Variants in LONP2 observed in about 807,000 individuals in gnomAD.
The protein encoded by LONP2 is lon peptidase 2, peroxisomal.
A neutral mutation model predicts 85.6 loss-of-function variants in LONP2; 60 were observed. The ratio of observed to expected loss-of-function variants is 0.70; its 90% CI spans 0.57 to 0.87. The LOEUF (loss-of-function observed/expected upper bound fraction) is 0.87. Among genes scored for constraint, LONP2 ranks in the 40% least tolerant of loss-of-function variants. LONP2 has a pLI of 0.00. For missense variants in LONP2, 860 were observed against 1,063.5 expected (o/e 0.81, Z 2.66); for synonymous variants, 395 against 389.7 (o/e 1.01, Z -0.16).
intron 11 of LONP2, among the ~76,000 whole-genome samples, chr16:48,310,685 C>T (rs984022296): frequency 2.6e-5 from 4 of 151,966 alleles, no homozygotes; most frequent in Non-Finnish European, 5.9e-5. Context: ...TTTTTGTTCC[C>T]GCTTTGTGGT....
chr16:48,317,031 G>A lies in LONP2; in HGVS notation c.1795+13726G>A, dbSNP rs574979865. 2.0e-5 allele frequency among the ~76,000 whole-genome samples: 3 copies of A among 152,156 alleles called. No homozygotes were observed. In the South Asian group the frequency reaches 6.2e-4, roughly 32 times the overall value. Reference sequence around the variant, plus strand: ...GTCAGGACTCGTCAATTTCAGTTTGGGTCTTATTACTGGGATACAGTCTTT... The same window carrying A: ...GTCAGGACTCGTCAATTTCAGTTTGAGTCTTATTACTGGGATACAGTCTTT... On this transcript the variant is annotated intron_variant, in intron 11 of 14. Coordinates refer to ENST00000285737, the MANE Select transcript of LONP2 (RefSeq NM_031490.5).
At chr16:48,329,966 T>A (rs376642144) in intron 11 of LONP2, among the ~76,000 whole-genome samples, 1 of 152,290 alleles carries the variant, frequency 6.6e-6, no homozygotes, top group East Asian at 1.9e-4. Flanking sequence ...TAAGGATAGA[T>A]TGCTGCAAAA....
chr16:48,316,284 G>A (rs1016867672), intron 11 of LONP2, among the ~76,000 whole-genome samples: 5 of 149,150 alleles, frequency 3.4e-5, no homozygotes, highest in African/African-American at 1.2e-4. Flanking sequence ...AAAGTGCTGG[G>A]ATTACAGGCA....
chr16:48,336,488 C>T (rs1363593464), intron 12 of LONP2: 6 of 455,254 alleles, frequency 1.3e-5, no homozygotes, highest in Non-Finnish European at 2.6e-5. Flanking sequence ...TGTTATTTCA[C>T]CTGGGTACAG....
downstream of LONP2, chr16:48,362,126 C>T (rs768759254): frequency 5.0e-6 from 8 of 1,614,022 alleles, no homozygotes; most frequent in Admixed American, 1.7e-5. This position sits in a 1 kb window ranked among gnomAD's most constrained non-coding sequence, Gnocchi z 4.2. Flanking sequence ...ATCCAGAAGA[C>T]GCATATTTAC....
At chr16:48,286,441 G>A (rs893779795) in intron 8 of LONP2, among the ~76,000 whole-genome samples, 3 of 151,904 alleles carry the variant, frequency 2.0e-5, no homozygotes, top group South Asian at 2.1e-4. Flanking sequence ...GTGCCTGGCC[G>A]CTGATTTGTA....
At chr16:48,320,631 C>T (rs1044823912) in intron 11 of LONP2, among the ~76,000 whole-genome samples, 2 of 152,028 alleles carry the variant, frequency 1.3e-5, no homozygotes, top group African/African-American at 4.8e-5. Flanking sequence ...TAAAATCAGG[C>T]GGTGGTCTAA....
chr16:48,285,484 G>A (rs1393395012), intron 8 of LONP2, among the ~76,000 whole-genome samples: 1 of 151,764 alleles, frequency 6.6e-6, no homozygotes, highest in African/African-American at 2.4e-5. Flanking sequence ...GGTAATCTTT[G>A]TGGAGTCCCG....
intron 11 of LONP2, among the ~76,000 whole-genome samples, chr16:48,328,719 C>T (rs954932118): frequency 6.6e-6 from 1 of 150,388 alleles, no homozygotes; most frequent in Non-Finnish European, 1.5e-5. Context: ...GTGGTACACA[C>T]CTGTAATCCC....
chr16:48,310,164 C>G (rs1567335221), intron 11 of LONP2, among the ~76,000 whole-genome samples: 1 of 151,972 alleles, frequency 6.6e-6, no homozygotes, highest in Non-Finnish European at 1.5e-5. Flanking sequence ...ATTTTTCCAC[C>G]CCTTTACCTT....
At chr16:48,358,402 A>T (rs1960453892), downstream of LONP2, among the ~76,000 whole-genome samples, 1 of 152,256 alleles carries the variant, frequency 6.6e-6, no homozygotes, top group South Asian at 2.1e-4. Flanking sequence ...GTAAAATTAC[A>T]GTGAATCCTC....
rs572876018 is a variant in LONP2, at chr16:48,315,801, C to G, written c.1795+12496C>G. ...GGGATTCTGAGAAGAGAGCCCTTCA[C>G]TGTCTCTTATCCTCCTTTCTATTTT... On this transcript the variant is annotated intron_variant, in intron 11 of 14. Transcript: ENST00000285737. 3.3e-5 allele frequency among the ~76,000 whole-genome samples: 5 copies of G among 151,946 alleles called. No individual in the cohort carries two copies. In the East Asian group the frequency reaches 9.6e-4, roughly 29 times the overall value.
intron 11 of LONP2, among the ~76,000 whole-genome samples, chr16:48,317,073 A>G (rs979997170): frequency 1.3e-5 from 2 of 151,974 alleles, no homozygotes; most frequent in African/African-American, 2.4e-5. Flanking sequence ...ATTATGTGGT[A>G]CTCCCAGGAT....
intron 12 of LONP2, among the ~76,000 whole-genome samples, chr16:48,339,664 G>A (rs1377825336): frequency 6.6e-6 from 1 of 152,194 alleles, no homozygotes; most frequent in East Asian, 1.9e-4. Context: ...AGGAAAGTGA[G>A]AGGGGGTGGG....
At chr16:48,341,911 G>C (rs1959822417) in intron 12 of LONP2, among the ~76,000 whole-genome samples, 1 of 152,184 alleles carries the variant, frequency 6.6e-6, no homozygotes, top group African/African-American at 2.4e-5. Context: ...ATGCGAGTAG[G>C]TGGGCCTAGG....
intron 14 of LONP2, among the ~76,000 whole-genome samples, chr16:48,350,134 C>G (rs963825303): frequency 1.3e-5 from 2 of 152,130 alleles, no homozygotes; most frequent in Non-Finnish European, 2.9e-5. Flanking sequence ...GCCTGTAACT[C>G]CAACACTTTG....
At chr16:48,312,822 A>G (rs1973062690) in intron 11 of LONP2, among the ~76,000 whole-genome samples, 2 of 152,192 alleles carry the variant, frequency 1.3e-5, no homozygotes, top group African/African-American at 2.4e-5. Flanking sequence ...CAGTAGGGTG[A>G]TTAACCTTTG....
chr16:48,305,547 G>A (rs1169018960), intron 11 of LONP2, among the ~76,000 whole-genome samples: 2 of 152,158 alleles, frequency 1.3e-5, no homozygotes, highest in East Asian at 1.9e-4. Context: ...GAGCCACTGC[G>A]CCTGGCTTTA....
At chr16:48,245,472 A>G (rs1323155574) in intron 1 of LONP2, among the ~76,000 whole-genome samples, 1 of 152,236 alleles carries the variant, frequency 6.6e-6, no homozygotes, top group Non-Finnish European at 1.5e-5. Context: ...TGCACCATGC[A>G]TGATGGATGA....
Sources: allele counts gnomAD v4.1 joint callset (sites outside exome capture counted in the v4.1 genomes callset), GRCh38; gene constraint gnomAD v4.1.1; non-coding constraint Gnocchi (gnomAD v3.1); transcripts MANE v1.5; gene names NCBI Gene and HGNC (gene_info 2026-07-23, HGNC 2026-07-21).